The following SNTB1 variants were observed in gnomAD, a reference collection of about 807,000 sequenced individuals.
SNTB1 encodes syntrophin beta 1.
SNTB1 carries 36 observed loss-of-function variants against 48.9 expected under a neutral mutation model. The ratio of observed to expected loss-of-function variants is 0.74; its 90% CI spans 0.56 to 0.97. The LOEUF (loss-of-function observed/expected upper bound fraction) is 0.97. Among genes scored for constraint, SNTB1 ranks in the 50% least tolerant of loss-of-function variants. The pLI is 0.00. For missense variants in SNTB1, 786 were observed against 703.4 expected (o/e 1.12, Z -1.33); for synonymous variants, 299 against 294.6 (o/e 1.01, Z -0.15).
intron 1 of SNTB1, among the ~76,000 whole-genome samples, chr8:120,808,806 G>A (rs1820380913): frequency 6.6e-6 from 1 of 152,176 alleles, no homozygotes; most frequent in African/African-American, 2.4e-5. Flanking sequence ...GGGGGCGCAT[G>A]TCATGCGGTG....
intron 3 of SNTB1, among the ~76,000 whole-genome samples, chr8:120,627,558 G>C (rs1435956527): frequency 6.6e-6 from 1 of 152,154 alleles, no homozygotes; most frequent in Admixed American, 6.5e-5. Context: ...ATGTCTTCTT[G>C]TTTTTCTTCT....
At chr8:120,544,285 T>C (rs562433619) in intron 5 of SNTB1, among the ~76,000 whole-genome samples, 6 of 152,354 alleles carry the variant, frequency 3.9e-5, no homozygotes, top group South Asian at 2.1e-4. Flanking sequence ...TCAAATACTC[T>C]GGTTGACCTC....
intron 2 of SNTB1, among the ~76,000 whole-genome samples, chr8:120,651,307 A>G (rs900408822): frequency 6.6e-6 from 1 of 152,238 alleles, no homozygotes; most frequent in African/African-American, 2.4e-5. Flanking sequence ...AAATAACTTT[A>G]GGGAAAGATG....
chr8:120,766,746 G>T (rs1361273471), intron 1 of SNTB1, among the ~76,000 whole-genome samples: 2 of 152,086 alleles, frequency 1.3e-5, no homozygotes, highest in African/African-American at 4.8e-5. Context: ...GCAAATCACT[G>T]CATATCATTG....
chr8:120,548,454 A>T (rs138075987), intron 5 of SNTB1, among the ~76,000 whole-genome samples: 194 of 152,230 alleles, frequency 1.3e-3, no homozygotes, highest in African/African-American at 4.5e-3. Flanking sequence ...CAAGAGCACT[A>T]CTCATTCATG....
At chr8:120,789,710 C>G (rs1032907716) in intron 1 of SNTB1, among the ~76,000 whole-genome samples, 9 of 151,878 alleles carry the variant, frequency 5.9e-5, no homozygotes, top group African/African-American at 2.2e-4. Flanking sequence ...CTGAACAGAT[C>G]AATAAAAAGC....
At chr8:120,628,798 G>A (rs777971321) in intron 3 of SNTB1, among the ~76,000 whole-genome samples, 34 of 152,076 alleles carry the variant, frequency 2.2e-4, no homozygotes, top group Non-Finnish European at 3.5e-4. Flanking sequence ...ATGGTCATGG[G>A]AAAGGCTTTA....
chr8:120,696,909 G>T (rs1329061854), intron 1 of SNTB1, among the ~76,000 whole-genome samples: 2 of 152,224 alleles, frequency 1.3e-5, no homozygotes, highest in African/African-American at 4.8e-5. Context: ...TTATTCTACA[G>T]GCAGTAGTGA....
chr8:120,688,791 T>G (rs1486651955), intron 2 of SNTB1, among the ~76,000 whole-genome samples: 1 of 152,228 alleles, frequency 6.6e-6, no homozygotes, highest in Admixed American at 6.5e-5. Flanking sequence ...GGGGTTTTTA[T>G]GTAATACTGA....
chr8:120,612,704 C>T (rs1377229701), intron 3 of SNTB1, among the ~76,000 whole-genome samples: 1 of 152,154 alleles, frequency 6.6e-6, no homozygotes, highest in African/African-American at 2.4e-5. Context: ...CAGGTGCACA[C>T]CACCATGCCT....
chr8:120,553,809 C>A (rs1455852134), intron 4 of SNTB1, among the ~76,000 whole-genome samples: 2 of 152,146 alleles, frequency 1.3e-5, no homozygotes, highest in Non-Finnish European at 2.9e-5. Flanking sequence ...ACCAGCCTGA[C>A]TAATATGGTG....
At chr8:120,722,810 C>T (rs1180319882) in intron 1 of SNTB1, among the ~76,000 whole-genome samples, 1 of 152,116 alleles carries the variant, frequency 6.6e-6, no homozygotes, top group Non-Finnish European at 1.5e-5. Context: ...GACATGAAGT[C>T]CTTGCCCATG....
intron 3 of SNTB1, among the ~76,000 whole-genome samples, chr8:120,595,061 G>T (rs887484929): frequency 6.6e-6 from 1 of 152,050 alleles, no homozygotes; most frequent in Non-Finnish European, 1.5e-5. Context: ...CTCCTCAGAT[G>T]TTAACTCTCC....
chr8:120,778,273 C>G lies in SNTB1; in HGVS notation c.571+33000G>C, dbSNP rs189187196. ...ACAAAGTACAAATAATGTGAAATGGCTAAGCAGCTAAAAACTTACAGAAAG... is the reference window on the plus strand; with the variant it reads ...ACAAAGTACAAATAATGTGAAATGGGTAAGCAGCTAAAAACTTACAGAAAG... On this transcript the variant is annotated intron_variant, in intron 1 of 6. Transcript: ENST00000517992. 1.3e-4 allele frequency among the ~76,000 whole-genome samples: 20 copies of G among 152,280 alleles called. No individual in the cohort carries two copies. The East Asian group carries it at 3.9e-3, about 29-fold the overall frequency.
rs768249144 is a variant in SNTB1 at position 120,771,683 on chromosome 8, CT to C, written c.571+39589del. Among the ~76,000 whole-genome samples the C allele has an allele frequency of 7.1e-3, 1,020 of 142,956 alleles. 9 individuals are homozygous for C. Among genetic ancestry groups the C allele is most frequent in the Middle Eastern group, 0.018 (5 of 272 alleles). The allele number at this position is 142,956 out of a possible 152,430, so 93.8% of individuals were successfully genotyped here. A position where few individuals can be genotyped will look rare whatever the true frequency, so the allele number is the denominator to read the frequency against. On this transcript the variant is annotated intron_variant, in intron 1 of 6. Coordinates refer to ENST00000517992, the MANE Select transcript of SNTB1 (RefSeq NM_021021.4). Reference sequence around the variant, plus strand: ...CTTAAAACAAAACGAAACCATGCCTCTTTTTTTTTTTTTGAAACTTAAACCC... The same window carrying C: ...CTTAAAACAAAACGAAACCATGCCTCTTTTTTTTTTTTGAAACTTAAACCC...
intron 3 of SNTB1, among the ~76,000 whole-genome samples, chr8:120,584,438 C>A (rs147049296): frequency 1.6e-3 from 90 of 57,042 alleles, no homozygotes; most frequent in Middle Eastern, 0.019. Flanking sequence ...AACTCCATCT[C>A]AAAAAAAAAA....
Position 120,547,536 on chromosome 8 carries a change from G to A in SNTB1, c.1333+1226C>T, listed in dbSNP as rs113294892. Among the ~76,000 whole-genome samples, 1,386 of 146,090 alleles carry A rather than the reference G, an allele frequency of 9.5e-3. 22 individuals are homozygous for A. The highest frequency in any genetic ancestry group is 0.034 in the African/African-American group (1,311 of 38,906). ...TGCTTGAATCCGTGAGATGGAGGTC[G>A]CAGTGAGATCACGCTATTGTACTCC... On this transcript the variant is annotated intron_variant, in intron 5 of 6. Coordinates refer to ENST00000517992, the MANE Select transcript of SNTB1 (RefSeq NM_021021.4).
intron 1 of SNTB1, among the ~76,000 whole-genome samples, chr8:120,763,184 C>T (rs1469155559): frequency 6.6e-6 from 1 of 152,160 alleles, no homozygotes; most frequent in Admixed American, 6.5e-5. Context: ...TATCGCATTA[C>T]TATATGTGCT....
At chr8:120,801,954 G>A (rs926296816) in intron 1 of SNTB1, among the ~76,000 whole-genome samples, 7 of 152,052 alleles carry the variant, frequency 4.6e-5, no homozygotes, top group African/African-American at 1.2e-4. Context: ...TCTGAGTGAT[G>A]GGTCTATTTC....
Sources: allele counts gnomAD v4.1 joint callset (sites outside exome capture counted in the v4.1 genomes callset), GRCh38; gene constraint gnomAD v4.1.1; transcripts MANE v1.5; gene names NCBI Gene and HGNC (gene_info 2026-07-23, HGNC 2026-07-21).